The following CLIP2 variants were observed in gnomAD, a reference collection of about 807,000 sequenced individuals.
The protein encoded by CLIP2 is CAP-Gly domain containing linker protein 2, also known as CAP-Gly domain-containing linker protein 2.
In CLIP2, 41 loss-of-function variants were observed where a neutral mutation model predicts 111.7. The observed-to-expected ratio is 0.37, with a 90% CI of 0.29 to 0.48. CLIP2 has a LOEUF of 0.48. Ranked by LOEUF, CLIP2 falls within the 20% of genes least tolerant of loss-of-function variation. CLIP2 has a pLI of 0.99. For synonymous variants in CLIP2, 660 were observed against 644.2 expected (o/e 1.02, Z -0.37); for missense variants, 1,160 against 1,422.1 (o/e 0.82, Z 2.96).
At chr7:74,309,913 T>C (rs1425129621) in intron 1 of CLIP2, among the ~76,000 whole-genome samples, 2 of 147,412 alleles carry the variant, frequency 1.4e-5, no homozygotes, top group African/African-American at 5.1e-5. Context: ...AATATACCAC[T>C]TTGGGCCAGG....
At chr7:74,390,158 GAAAGAAGAAAGAAAGAAAGA>G (rs1791239112) in intron 13 of CLIP2, among the ~76,000 whole-genome samples, 1 of 41,892 alleles carries the variant, frequency 2.4e-5, no homozygotes, top group Non-Finnish European at 4.4e-5. Context: ...GAAAAAGAAA[GAAAGAAGAAAGAAAGAAAGA>G]AAGAAAGAAA....
In CLIP2 at chr7:74,338,992, G is replaced by A. The variant is rs372066419; in HGVS notation, c.666G>A (p.Gly222=). The A allele has an allele frequency of 2.5e-6, 4 of 1,597,502 alleles. No individual in the cohort carries two copies. The highest frequency in any genetic ancestry group is 3.4e-6 in the Non-Finnish European group (4 of 1,179,092). Residue 222 remains glycine, a synonymous_variant, in exon 3 of 17, where the codon GGG becomes GGA. Coordinates refer to ENST00000223398, the MANE Select transcript of CLIP2 (RefSeq NM_003388.5). This position sits in a 1 kb window ranked among gnomAD's most constrained non-coding sequence, Gnocchi z 4.3. The part of the protein sequence containing the change: ...VKRGEKDLRL[G]DRVLVGGTKT... The stretch of plus-strand genomic sequence containing the variant: ...GGGGCGAAAAGGACCTGCGCCTGGG[G>A]GACCGCGTGCTGGTGAGTGCGGGCA...
intron 1 of CLIP2, among the ~76,000 whole-genome samples, chr7:74,312,999 C>T (rs1300532587): frequency 6.6e-6 from 1 of 151,618 alleles, no homozygotes; most frequent in African/African-American, 2.4e-5. Context: ...ATGCAAATGA[C>T]ATTGTCCCTC....
intron 9 of CLIP2, among the ~76,000 whole-genome samples, chr7:74,373,471 C>T (rs1790694259): frequency 6.6e-6 from 1 of 152,064 alleles, no homozygotes; most frequent in Non-Finnish European, 1.5e-5. Context: ...GCACTCCAGC[C>T]TGGGTGACAG....
rs993950140 is a variant in CLIP2, at chr7:74,302,563, G to A, written c.-68+12829G>A. Among the ~76,000 whole-genome samples the A allele has an allele frequency of 3.3e-5, 5 of 152,088 alleles. No homozygotes were observed. In the East Asian group the frequency reaches 5.8e-4, roughly 18 times the overall value. The stretch of plus-strand genomic sequence containing the variant: ...AGTGAGAAAGGTAGCATGTGGGACC[G>A]GAACCCAGGCTTCTAGACTCAACCC... On this transcript the variant is annotated intron_variant, in intron 1 of 16. Coordinates refer to ENST00000223398, the MANE Select transcript of CLIP2 (RefSeq NM_003388.5).
At chr7:74,360,894 A>C (rs1790308926) in intron 7 of CLIP2, among the ~76,000 whole-genome samples, 1 of 152,052 alleles carries the variant, frequency 6.6e-6, no homozygotes, top group South Asian at 2.1e-4. Context: ...TGCACTCTCC[A>C]GCAGAATATT....
intron 5 of CLIP2, 56 bp from the exon 6 acceptor site, chr7:74,357,224 C>G (rs1790172084): frequency 2.0e-6 from 3 of 1,517,872 alleles, no homozygotes; most frequent in Admixed American, 1.7e-5. Context: ...CAGAGCCAGT[C>G]TGCCCTGCAG....
intron 12 of CLIP2, among the ~76,000 whole-genome samples, chr7:74,387,439 T>C (rs1395142916): frequency 6.6e-6 from 1 of 151,998 alleles, no homozygotes; most frequent in Admixed American, 6.6e-5. Context: ...TTAGTAGAGA[T>C]GGGGTTTCGC....
chr7:74,291,551 C>T (rs11976599), intron 1 of CLIP2, among the ~76,000 whole-genome samples: 24,802 of 152,176 alleles, frequency 0.16, 3,447 homozygotes, highest in African/African-American at 0.38. Context: ...CTTATGGTAT[C>T]TGGCTTTTAG....
chr7:74,376,806 C>G lies in CLIP2; in HGVS notation c.2405C>G (p.Ser802Cys). 1 of 1,596,986 alleles carries G rather than the reference C, an allele frequency of 6.3e-7. No individual in the cohort carries two copies. The change falls in exon 10 of 17, where the codon TCC (serine) becomes TGC (cysteine). Residue 802 changes from serine to cysteine, a missense_variant. Coordinates refer to ENST00000223398, the MANE Select transcript of CLIP2 (RefSeq NM_003388.5). This position sits in a 1 kb window ranked among gnomAD's most constrained non-coding sequence, Gnocchi z 7.1. ...CTCCAGGCGGTCGAGGCCCTGTGCT[C>G]CTCCCAGCACACCCACGTAGGCGCC... ...NRLQAVEALCSSQHTHMIESN... is the reference protein window; with the variant it reads ...NRLQAVEALCCSQHTHMIESN...
chr7:74,332,238 C>G (rs1789308674), intron 2 of CLIP2, among the ~76,000 whole-genome samples: 1 of 151,730 alleles, frequency 6.6e-6, no homozygotes, highest in Admixed American at 6.6e-5. Flanking sequence ...CATGCCAGGC[C>G]AATTTTTGTA....
At chr7:74,360,561 AT>A (rs1790299542) in intron 7 of CLIP2, among the ~76,000 whole-genome samples, 1 of 151,940 alleles carries the variant, frequency 6.6e-6, no homozygotes, top group South Asian at 2.1e-4. Context: ...ATTTTTAAAA[AT>A]TTTTTTGAAA....
At chr7:74,314,843 C>T (rs528998744) in intron 1 of CLIP2, among the ~76,000 whole-genome samples, 22 of 152,300 alleles carry the variant, frequency 1.4e-4, no homozygotes, top group African/African-American at 4.6e-4. Context: ...TCCACCCCTC[C>T]GGCCCCCTGC....
chr7:74,348,761 G>C (rs1396072479), intron 3 of CLIP2, among the ~76,000 whole-genome samples: 6 of 144,814 alleles, frequency 4.1e-5, no homozygotes, highest in Non-Finnish European at 9.0e-5. Flanking sequence ...CTGCACTCCA[G>C]CCTGGGCAAC....
At chr7:74,394,242 C>CTTCTTTTTTTTTTTTTTTTTTTTTTTTT (rs782731877) in intron 13 of CLIP2, among the ~76,000 whole-genome samples, 2 of 119,736 alleles carry the variant, frequency 1.7e-5, no homozygotes. Context: ...TCTTTTTCTT[C>CTTCTTTTTTTTTTTTTTTTTTTTTTTTT]TTATTTTTTT....
intron 1 of CLIP2, among the ~76,000 whole-genome samples, chr7:74,308,611 T>G (rs1411300246): frequency 6.6e-6 from 1 of 151,902 alleles, no homozygotes; most frequent in African/African-American, 2.4e-5. Flanking sequence ...TTCAAGCGAT[T>G]CTCCTGCCTC....
At position 74,360,274 on chromosome 7, in the gene CLIP2, A is replaced by G; in HGVS notation, c.1315A>G (p.Arg439Gly). ...VDLSNQLEEERRKVEDLQFRV... is the reference protein window; with the variant it reads ...VDLSNQLEEEGRKVEDLQFRV... ...CCTGTCCAACCAGCTGGAGGAGGAG[A>G]GGAGGTACGTGCTGGCCCACCCTCG... The change falls in exon 7 of 17, where the codon AGG becomes GGG. Residue 439 changes from arginine to glycine, a missense_variant. Physicochemically the swap from Arg to Gly is moderately radical, Grantham distance 125. Coordinates refer to ENST00000223398, the MANE Select transcript of CLIP2 (RefSeq NM_003388.5). 6.3e-7 allele frequency: 1 copy of G among 1,595,278 alleles called. No homozygotes were observed. Among genetic ancestry groups the G allele is most frequent in the Non-Finnish European group, 8.5e-7 (1 of 1,170,576 alleles).
chr7:74,301,697 T>TTTTG (rs1209592635), intron 1 of CLIP2, among the ~76,000 whole-genome samples: 4 of 133,214 alleles, frequency 3.0e-5, no homozygotes, highest in Non-Finnish European at 6.7e-5. Flanking sequence ...TGGCATTGTT[T>TTTTG]TTTGTTTGTT....
At chr7:74,391,771 G>A (rs1348614943) in intron 13 of CLIP2, among the ~76,000 whole-genome samples, 1 of 152,014 alleles carries the variant, frequency 6.6e-6, no homozygotes, top group Non-Finnish European at 1.5e-5. Flanking sequence ...AGTGAGTCGA[G>A]ATTGTGCCAC....
Sources: gnomAD v4.1 joint callset for allele counts (sites outside exome capture counted in the v4.1 genomes callset) on GRCh38, gnomAD v4.1.1 for gene constraint, Gnocchi (gnomAD v3.1) non-coding constraint, MANE v1.5 for transcripts, NCBI Gene and HGNC (gene_info 2026-07-23, HGNC 2026-07-21) for gene names.